The following DENND2A variants were observed in gnomAD, a reference collection of about 807,000 sequenced individuals.
DENND2A encodes the protein DENN domain-containing protein 2A.
Under a neutral mutation model 105.3 loss-of-function variants are expected in DENND2A, and 53 were observed. That is an observed-to-expected ratio of 0.50 (90% CI 0.40 to 0.63). The LOEUF is 0.63. DENND2A is among the 30% of genes least tolerant of loss of function. The probability of loss-of-function intolerance (pLI) is 0.00; values close to 1 mark genes in which losing one functional copy is unlikely to be tolerated. For synonymous variants in DENND2A, 522 were observed against 508.4 expected, an observed-to-expected ratio of 1.03 and a Z score of -0.36; for missense variants, 1,138 against 1,279.6, an observed-to-expected ratio of 0.89 and a Z score of 1.69.
Position 140,592,040 on chromosome 7 carries a change from CTTCT to C in DENND2A, c.996-4264_996-4261del, listed in dbSNP as rs1226426088. Reference sequence around the variant, plus strand: ...TCCCCTCCCCTCCCCTTCTTTTCTTCTTCTTTTTTTTTTTTTTGATGGAGTTTCG... The same window carrying C: ...TCCCCTCCCCTCCCCTTCTTTTCTTCTTTTTTTTTTTTTGATGGAGTTTCG... On this transcript the variant is annotated intron_variant, in intron 3 of 19. Transcript: ENST00000496613. Among the ~76,000 whole-genome samples, 275 of 118,834 alleles carry C rather than the reference CTTCT, an allele frequency of 2.3e-3. 4 individuals carry two copies. Among genetic ancestry groups the C allele is most frequent in the African/African-American group, 8.4e-3 (259 of 30,948 alleles). The allele number at this position is 118,834 out of a possible 152,430, so 78.0% of individuals were successfully genotyped here.
At chr7:140,532,491 C>T (rs530444602) in intron 14 of DENND2A, among the ~76,000 whole-genome samples, 110 of 152,288 alleles carry the variant, frequency 7.2e-4, no homozygotes, top group African/African-American at 1.9e-3. Context: ...ATTCCTTCTA[C>T]GCGTCAGACT....
chr7:140,596,564 A>G (rs1219618421), intron 3 of DENND2A, among the ~76,000 whole-genome samples: 1 of 152,236 alleles, frequency 6.6e-6, no homozygotes, highest in Non-Finnish European at 1.5e-5. Context: ...ATAACAGCAC[A>G]GTGTGATCTG....
At chr7:140,594,120 C>T (rs2130668220) in intron 3 of DENND2A, among the ~76,000 whole-genome samples, 1 of 152,248 alleles carries the variant, frequency 6.6e-6, no homozygotes, top group South Asian at 2.1e-4. Context: ...GTAGGCCAGG[C>T]TGGTCTCGAA....
chr7:140,594,355 C>T (rs1453777039), intron 3 of DENND2A, among the ~76,000 whole-genome samples: 1 of 152,218 alleles, frequency 6.6e-6, no homozygotes, highest in Non-Finnish European at 1.5e-5. Flanking sequence ...GGCCCTCAGG[C>T]CACACTCCTG....
rs374600500 is a variant in DENND2A at position 140,624,705 on chromosome 7, C to CT, written c.-248+15798dup. 3.0e-3 allele frequency among the ~76,000 whole-genome samples: 449 copies of CT among 148,772 alleles called. 2 individuals are homozygous for CT. Among genetic ancestry groups the CT allele is most frequent in the African/African-American group, 0.01 (415 of 40,620 alleles). On this transcript the variant is annotated intron_variant, in intron 1 of 19. Coordinates refer to ENST00000496613, the MANE Select transcript of DENND2A (RefSeq NM_015689.5). ...CATGTTCTTGAAGGCATTTCTTTTC[C>CT]TTTTTTTTTTCTTAGCTGAAGAGCC...
At position 140,579,718 on chromosome 7, in the gene DENND2A, C is replaced by T. The variant is rs567079525; in HGVS notation, c.1246-5710G>A. Among the ~76,000 whole-genome samples, 28 of 152,118 alleles carry T rather than the reference C, an allele frequency of 1.8e-4. No homozygotes were observed. The South Asian group carries it at 5.4e-3, about 29-fold the overall frequency. On this transcript the variant is annotated intron_variant, in intron 5 of 19. Coordinates refer to ENST00000496613, the MANE Select transcript of DENND2A (RefSeq NM_015689.5). ...CACAAACACATGGACGCACACCACA[C>T]GAGATGTGTGTGAGAAAATCCGGGA...
rs370134241 is a variant in DENND2A, at chr7:140,559,845, C to T, written c.1780-28G>A. ...GCAGGGAGAAAGGTGAGAGAAAATTCGAGAACAAATCTCAGCATGGGAAAT... is the reference window on the plus strand; with the variant it reads ...GCAGGGAGAAAGGTGAGAGAAAATTTGAGAACAAATCTCAGCATGGGAAAT... On this transcript the variant is annotated intron_variant, in intron 9 of 19. Coordinates refer to ENST00000496613, the MANE Select transcript of DENND2A (RefSeq NM_015689.5). This position sits in a 1 kb window ranked among gnomAD's most constrained non-coding sequence, Gnocchi z 4.1. 109 of 1,541,536 alleles carry T rather than the reference C, an allele frequency of 7.1e-5. No individual in the cohort carries two copies. In the Admixed American group the frequency reaches 8.4e-4, roughly 12 times the overall value.
At chr7:140,613,424 C>T (rs1001871049) in intron 1 of DENND2A, among the ~76,000 whole-genome samples, 1 of 151,322 alleles carries the variant, frequency 6.6e-6, no homozygotes, top group Non-Finnish European at 1.5e-5. Flanking sequence ...CCTGTAGTCC[C>T]AGCTACTTGG....
chr7:140,592,995 G>A (rs542184786), intron 3 of DENND2A, among the ~76,000 whole-genome samples: 4 of 152,296 alleles, frequency 2.6e-5, no homozygotes, highest in East Asian at 1.9e-4. Flanking sequence ...CCCTGAAGAG[G>A]AGAAATGTGA....
chr7:140,576,391 G>A (rs1798301527), intron 5 of DENND2A, among the ~76,000 whole-genome samples: 1 of 151,600 alleles, frequency 6.6e-6, no homozygotes, highest in South Asian at 2.1e-4. Flanking sequence ...AGATTTTCTT[G>A]GTTTTGTACA....
At chr7:140,589,911 G>GT (rs1416843784) in intron 3 of DENND2A, among the ~76,000 whole-genome samples, 1 of 152,112 alleles carries the variant, frequency 6.6e-6, no homozygotes, top group Non-Finnish European at 1.5e-5. Flanking sequence ...TTATAGTTCT[G>GT]TTTTTATTTT....
chr7:140,608,653 G>T (rs187111677), intron 1 of DENND2A, among the ~76,000 whole-genome samples: 23 of 150,466 alleles, frequency 1.5e-4, no homozygotes, highest in Admixed American at 1.4e-3. Flanking sequence ...TCCAGCCCAG[G>T]TGACACAGTG....
intron 11 of DENND2A, 50 bp downstream of exon 11, chr7:140,558,093 G>A (rs1313604558): frequency 6.6e-7 from 1 of 1,521,966 alleles, no homozygotes; most frequent in East Asian, 2.3e-5. Flanking sequence ...CTTGCACCAG[G>A]ACTAGGAAGT....
chr7:140,527,989 C>T lies in DENND2A; in HGVS notation c.2328-494G>A, dbSNP rs1472944585. 2.6e-5 allele frequency among the ~76,000 whole-genome samples: 4 copies of T among 151,970 alleles called. No individual in the cohort carries two copies. Among genetic ancestry groups the T allele is most frequent in the Non-Finnish European group, 2.9e-5 (2 of 67,948 alleles). On this transcript the variant is annotated intron_variant, in intron 14 of 19. Transcript: ENST00000496613. This position sits in a 1 kb window ranked among gnomAD's most constrained non-coding sequence, Gnocchi z 4.9. ...CTGAGTAGCTGGGACTGCAGGCACG[C>T]GCCACCACACCTGGCTAATTTTTGC...
chr7:140,615,673 T>G (rs1800058118), intron 1 of DENND2A, among the ~76,000 whole-genome samples: 1 of 151,886 alleles, frequency 6.6e-6, no homozygotes, highest in South Asian at 2.1e-4. Flanking sequence ...TAGCTGTGAC[T>G]GAGGCAAGAG....
intron 3 of DENND2A, among the ~76,000 whole-genome samples, chr7:140,599,244 A>C (rs1799393664): frequency 6.6e-6 from 1 of 152,180 alleles, no homozygotes; most frequent in Admixed American, 6.6e-5. Context: ...ATGCTGAGGC[A>C]GGAGAATTGC....
intron 14 of DENND2A, among the ~76,000 whole-genome samples, chr7:140,543,359 T>G (rs889007793): frequency 1.3e-5 from 2 of 149,876 alleles, no homozygotes; most frequent in African/African-American, 4.9e-5. Context: ...GGTCTCAAAC[T>G]ACTTCCCTCA....
intron 3 of DENND2A, among the ~76,000 whole-genome samples, chr7:140,588,138 T>C (rs1432444092): frequency 1.3e-5 from 2 of 152,178 alleles, no homozygotes; most frequent in Non-Finnish European, 2.9e-5. Context: ...CTCGAACTCC[T>C]GACCTCAGGT....
chr7:140,604,852 A>C (rs1799635602), intron 2 of DENND2A, among the ~76,000 whole-genome samples: 3 of 152,230 alleles, frequency 2.0e-5, no homozygotes, highest in South Asian at 4.1e-4. Context: ...CATAGCAGCT[A>C]GTCAACAAAT....
Sources: gnomAD v4.1 joint callset for allele counts (sites outside exome capture counted in the v4.1 genomes callset) on GRCh38, gnomAD v4.1.1 for gene constraint, Gnocchi (gnomAD v3.1) non-coding constraint, MANE v1.5 for transcripts, NCBI Gene and HGNC (gene_info 2026-07-23, HGNC 2026-07-21) for gene names.